CLCN3: variants seen among roughly 807,000 people sequenced by gnomAD.
CLCN3 encodes the protein Cl-/H+ antiporter 3.
In CLCN3, 16 loss-of-function variants were observed where a neutral mutation model predicts 83.4. That is an observed-to-expected ratio of 0.19 (90% CI 0.13 to 0.29). The LOEUF (loss-of-function observed/expected upper bound fraction) is 0.29. CLCN3 is among the 10% of genes least tolerant of loss of function. The pLI, the probability that CLCN3 is intolerant of heterozygous loss-of-function variation, is 1.00. For synonymous variants in CLCN3, 322 were observed against 346.2 expected, an observed-to-expected ratio of 0.93 and a Z score of 0.78; for missense variants, 544 against 1,006.0, an observed-to-expected ratio of 0.54 and a Z score of 6.21.
chr4:169,689,864 G>C (rs1732297531), intron 5 of CLCN3, among the ~76,000 whole-genome samples: 1 of 152,154 alleles, frequency 6.6e-6, no homozygotes, highest in African/African-American at 2.4e-5. Context: ...TAATGATCTG[G>C]AAAGTTGCAG....
At chr4:169,683,110 T>G (rs1396220702) in intron 3 of CLCN3, among the ~76,000 whole-genome samples, 1 of 152,132 alleles carries the variant, frequency 6.6e-6, no homozygotes, top group African/African-American at 2.4e-5. Flanking sequence ...TTAACAGTAT[T>G]CAGGTTGGGA....
intron 2 of CLCN3, among the ~76,000 whole-genome samples, chr4:169,656,066 CTTTTT>C (rs376782821): frequency 3.4e-5 from 5 of 145,862 alleles, no homozygotes; most frequent in Non-Finnish European, 7.6e-5. Flanking sequence ...TTTGCTGTAT[CTTTTT>C]TTTTTTTCTC....
intron 9 of CLCN3, among the ~76,000 whole-genome samples, chr4:169,700,267 T>C (rs1409365816): frequency 6.6e-6 from 1 of 152,216 alleles, no homozygotes; most frequent in Non-Finnish European, 1.5e-5. Context: ...GTTCGTTTGT[T>C]TGTTTTTTGA....
chr4:169,656,488 A>G (rs34576933), intron 2 of CLCN3, among the ~76,000 whole-genome samples: 4,601 of 152,232 alleles, frequency 0.03, 138 homozygotes, highest in African/African-American at 0.08. Context: ...ACCATGATCC[A>G]GTTACCTCCC....
chr4:169,667,115 T>C (rs1374196376), intron 2 of CLCN3, among the ~76,000 whole-genome samples: 1 of 152,214 alleles, frequency 6.6e-6, no homozygotes, highest in Non-Finnish European at 1.5e-5. Flanking sequence ...TTTACTCCTG[T>C]ATTTTATAAT....
At chr4:169,650,915 A>G (rs1313789576) in intron 2 of CLCN3, among the ~76,000 whole-genome samples, 1 of 152,202 alleles carries the variant, frequency 6.6e-6, no homozygotes, top group East Asian at 1.9e-4. Flanking sequence ...TAATGCATTT[A>G]GGGAAGACAA....
At chr4:169,695,456 A>G (rs552158296) in intron 7 of CLCN3, among the ~76,000 whole-genome samples, 156 bp from the exon 8 acceptor site, 2 of 152,364 alleles carry the variant, frequency 1.3e-5, no homozygotes, top group Admixed American at 6.5e-5. Context: ...AAATCTTAAT[A>G]GAAGAAATGA....
intron 12 of CLCN3, 43 bp downstream of exon 12, chr4:169,713,338 A>G: frequency 6.8e-7 from 1 of 1,470,802 alleles, no homozygotes; most frequent in Non-Finnish European, 9.5e-7. Context: ...GCTAGAATAT[A>G]GGATCCTTTT....
At chr4:169,712,980 G>A (rs1733279898) in intron 11 of CLCN3, 99 bp from the exon 12 acceptor site, 2 of 826,814 alleles carry the variant, frequency 2.4e-6, no homozygotes, top group South Asian at 3.2e-5. Context: ...GGGATCAGAA[G>A]TCATAGGATA....
intron 1 of CLCN3, among the ~76,000 whole-genome samples, chr4:169,625,101 T>C (rs552408361): frequency 6.6e-6 from 1 of 152,318 alleles, no homozygotes; most frequent in Non-Finnish European, 1.5e-5. Context: ...TCTTTTCACG[T>C]TTCAATCTGT....
chr4:169,694,990 G>A (rs967403442), intron 7 of CLCN3, among the ~76,000 whole-genome samples: 2 of 152,192 alleles, frequency 1.3e-5, no homozygotes, highest in African/African-American at 4.8e-5. Context: ...GGACACGGAA[G>A]AGTGTCCTTG....
intron 6 of CLCN3, 109 bp downstream of exon 6, chr4:169,690,761 T>C: frequency 9.3e-7 from 1 of 1,076,164 alleles, no homozygotes; most frequent in Non-Finnish European, 1.3e-6. Flanking sequence ...AGTTTGTTCA[T>C]AATATGAAAA....
intron 1 of CLCN3, among the ~76,000 whole-genome samples, chr4:169,633,946 G>A (rs906250116): frequency 2.7e-4 from 17 of 63,190 alleles, no homozygotes; most frequent in African/African-American, 8.8e-4. Context: ...GGGTTAATAC[G>A]TGGAATAGTT....
Position 169,720,206 on chromosome 4 carries a change from A to G in CLCN3, c.*209A>G, listed in dbSNP as rs912887696. ...GGGGAGGGAAAGGAGAGAGAAGGAAAGGAGTGAGGTATTTCCCGTCTAACA... is the reference window on the plus strand; with the variant it reads ...GGGGAGGGAAAGGAGAGAGAAGGAAGGGAGTGAGGTATTTCCCGTCTAACA... On this transcript the variant is annotated 3_prime_UTR_variant, in exon 13 of 13. Transcript: ENST00000513761. 3 of 672,342 alleles carry G rather than the reference A, an allele frequency of 4.5e-6. No individual in the cohort carries two copies. The highest frequency in any genetic ancestry group is 1.8e-5 in the African/African-American group (1 of 54,820). 41.6% of individuals were successfully genotyped at this position (672,342 alleles called of 1,614,324 possible).
Position 169,687,660 on chromosome 4 carries a change from C to G in CLCN3, c.321C>G (p.Ile107Met). The G allele has an allele frequency of 1.2e-6, 2 of 1,601,628 alleles. No homozygotes were observed. Among genetic ancestry groups the G allele is most frequent in the Non-Finnish European group, 1.7e-6 (2 of 1,171,954 alleles). ...KCKDRERHRR[I>M]NSKKKESAWE... ...AGCATAAACATTTCTAATTTCAGAT[C>G]AACAGCAAAAAGAAAGAATCAGCAT... The change falls in exon 4 of 13, where the codon ATC becomes ATG. Residue 107 changes from isoleucine to methionine, a missense_variant and splice_region_variant. Ile to Met is a conservative substitution (Grantham distance 10, BLOSUM62 1). Transcript: ENST00000513761.
intron 9 of CLCN3, among the ~76,000 whole-genome samples, chr4:169,700,028 A>G (rs556038967): frequency 1.1e-4 from 17 of 152,356 alleles, no homozygotes; most frequent in African/African-American, 3.6e-4. Flanking sequence ...ACTTTCTCAC[A>G]GTCAGTTGAA....
At chr4:169,693,849 T>C (rs1465299406) in intron 7 of CLCN3, among the ~76,000 whole-genome samples, 4 of 152,228 alleles carry the variant, frequency 2.6e-5, no homozygotes, top group Non-Finnish European at 4.4e-5. Context: ...TAATGTTTAA[T>C]ACGTTGTTAT....
chr4:169,638,935 T>C (rs1445075273), intron 2 of CLCN3, among the ~76,000 whole-genome samples: 1 of 152,234 alleles, frequency 6.6e-6, no homozygotes, highest in African/African-American at 2.4e-5. Context: ...TTATGATTCC[T>C]TCTCTGAAAT....
intron 2 of CLCN3, among the ~76,000 whole-genome samples, chr4:169,641,462 A>C (rs181875593): frequency 1.0e-3 from 153 of 152,314 alleles, no homozygotes; most frequent in African/African-American, 3.5e-3. Flanking sequence ...TCAGAGGTGG[A>C]CTGTCCTGGT....
Sources: gnomAD v4.1 joint callset for allele counts (sites outside exome capture counted in the v4.1 genomes callset) on GRCh38, gnomAD v4.1.1 for gene constraint, MANE v1.5 for transcripts, NCBI Gene and HGNC (gene_info 2026-07-23, HGNC 2026-07-21) for gene names.